The following PELI2 variants were observed in gnomAD, a reference collection of about 807,000 sequenced individuals.
PELI2 encodes the protein pellino E3 ubiquitin protein ligase family member 2.
Under a neutral mutation model 42.3 loss-of-function variants are expected in PELI2, and 23 were observed. The ratio of observed to expected loss-of-function variants is 0.54; its 90% CI spans 0.39 to 0.77. The LOEUF (loss-of-function observed/expected upper bound fraction) is 0.77. Among genes scored for constraint, PELI2 ranks in the 30% least tolerant of loss-of-function variants. The probability of loss-of-function intolerance (pLI) is 0.00; values close to 1 mark genes in which losing one functional copy is unlikely to be tolerated. For synonymous variants in PELI2, 245 were observed against 212.2 expected (o/e 1.15, Z -1.34); for missense variants, 463 against 553.2 (o/e 0.84, Z 1.64).
intron 1 of PELI2, among the ~76,000 whole-genome samples, chr14:56,156,093 GAAAT>G (rs1884556608): frequency 1.3e-5 from 2 of 152,054 alleles, no homozygotes; most frequent in African/African-American, 4.8e-5. Flanking sequence ...TTAATTACGT[GAAAT>G]AAATATTGTT....
chr14:56,267,898 C>T (rs963665779), intron 2 of PELI2, among the ~76,000 whole-genome samples: 2 of 152,040 alleles, frequency 1.3e-5, no homozygotes, highest in Non-Finnish European at 2.9e-5. Flanking sequence ...TCTTTATATT[C>T]CTCAGTTACT....
chr14:56,265,982 A>G (rs1424022471), intron 2 of PELI2, among the ~76,000 whole-genome samples: 4 of 152,108 alleles, frequency 2.6e-5, no homozygotes. Flanking sequence ...AAGTTCATCA[A>G]CAGATAAGTG....
intron 1 of PELI2, among the ~76,000 whole-genome samples, chr14:56,172,083 G>A (rs965584294): frequency 6.6e-6 from 1 of 152,186 alleles, no homozygotes; most frequent in Non-Finnish European, 1.5e-5. Context: ...GGGGCTTCCT[G>A]TTCCAGGAAT....
At chr14:56,286,096 T>C (rs1255281672) in intron 3 of PELI2, among the ~76,000 whole-genome samples, 1 of 152,206 alleles carries the variant, frequency 6.6e-6, no homozygotes, top group Non-Finnish European at 1.5e-5. Context: ...CAACAGCAAC[T>C]ATACTGGTCC....
intron 1 of PELI2, among the ~76,000 whole-genome samples, chr14:56,139,536 T>G (rs1186966370): frequency 6.6e-6 from 1 of 152,202 alleles, no homozygotes; most frequent in Non-Finnish European, 1.5e-5. Flanking sequence ...ATTCTTCTTC[T>G]TTGGGTACGT....
intron 1 of PELI2, among the ~76,000 whole-genome samples, chr14:56,132,719 T>G (rs1883536433): frequency 6.6e-6 from 1 of 152,162 alleles, no homozygotes. Context: ...AAGTGACTGT[T>G]TCTCTGATCT....
At chr14:56,128,051 G>T (rs1427425289) in intron 1 of PELI2, among the ~76,000 whole-genome samples, 2 of 152,034 alleles carry the variant, frequency 1.3e-5, no homozygotes, top group Admixed American at 6.5e-5. Context: ...CCTGCACATG[G>T]ACCCCTGAAC....
At chr14:56,228,343 G>A (rs543469078) in intron 2 of PELI2, among the ~76,000 whole-genome samples, 2 of 152,260 alleles carry the variant, frequency 1.3e-5, no homozygotes, top group African/African-American at 4.8e-5. Context: ...TAGATCCATA[G>A]CTGTTGGAAG....
In PELI2 at chr14:56,266,733, T is replaced by G. The variant is rs544611018; in HGVS notation, c.208-12943T>G. Among the ~76,000 whole-genome samples the G allele has an allele frequency of 6.9e-3, 1,052 of 152,190 alleles. 7 individuals are homozygous for G. The highest frequency in any genetic ancestry group is 0.02 in the African/African-American group (844 of 41,580). Reference sequence around the variant, plus strand: ...CATGTACCATTTGATTGAACAATTTTGTTTCTAGGAATTTGTCCTATAGAT... The same window carrying G: ...CATGTACCATTTGATTGAACAATTTGGTTTCTAGGAATTTGTCCTATAGAT... On this transcript the variant is annotated intron_variant, in intron 2 of 5. Transcript: ENST00000267460.
intron 2 of PELI2, among the ~76,000 whole-genome samples, chr14:56,212,648 T>G (rs1365570626): frequency 6.6e-6 from 1 of 152,252 alleles, no homozygotes; most frequent in Non-Finnish European, 1.5e-5. Flanking sequence ...TTGATCACAG[T>G]CCTGCCTGTG....
chr14:56,206,666 G>T (rs571122702), intron 2 of PELI2, among the ~76,000 whole-genome samples: 6 of 152,058 alleles, frequency 3.9e-5, no homozygotes, highest in Non-Finnish European at 8.8e-5. Flanking sequence ...TCACCAGCCC[G>T]TGCAGTATTC....
At chr14:56,250,838 T>G (rs1196509961) in intron 2 of PELI2, among the ~76,000 whole-genome samples, 1 of 152,174 alleles carries the variant, frequency 6.6e-6, no homozygotes, top group Non-Finnish European at 1.5e-5. Flanking sequence ...TCAGTCAAGT[T>G]CACACTCAGT....
At chr14:56,136,425 T>C (rs1371115094) in intron 1 of PELI2, among the ~76,000 whole-genome samples, 1 of 152,214 alleles carries the variant, frequency 6.6e-6, no homozygotes, top group African/African-American at 2.4e-5. Context: ...CATTTCCTTG[T>C]AATGCATTGG....
Position 56,192,630 on chromosome 14 carries a change from G to C in PELI2, c.207+14166G>C, listed in dbSNP as rs115796421. 7.5e-3 allele frequency among the ~76,000 whole-genome samples: 1,147 copies of C among 152,296 alleles called. 12 individuals are homozygous for C. The highest frequency in any genetic ancestry group is 0.026 in the African/African-American group (1,094 of 41,570). Reference sequence around the variant, plus strand: ...GAATCTGGTTAATAGTACAGGCTCTGAAGTCAAATTCCTTGGATTGAAATT... The same window carrying C: ...GAATCTGGTTAATAGTACAGGCTCTCAAGTCAAATTCCTTGGATTGAAATT... On this transcript the variant is annotated intron_variant, in intron 2 of 5. Coordinates refer to ENST00000267460, the MANE Select transcript of PELI2 (RefSeq NM_021255.3).
chr14:56,164,742 T>C (rs1356484416), intron 1 of PELI2, among the ~76,000 whole-genome samples: 1 of 152,152 alleles, frequency 6.6e-6, no homozygotes, highest in Non-Finnish European at 1.5e-5. Context: ...AGGTTTTGGA[T>C]TTCTTCCTGG....
Position 56,297,029 on chromosome 14 carries a change from A to ATC in PELI2, c.1126_1127insTC (p.Lys376IlefsTer39). On this transcript the variant is annotated frameshift_variant, in exon 6 of 6. Coordinates refer to ENST00000267460, the MANE Select transcript of PELI2 (RefSeq NM_021255.3). LOFTEE classifies it high-confidence loss of function. ...TCCCTGTGGACACGTGTGCTCGGAGAAGTCTGCAAAATACTGGTCTCAGAT... is the reference window on the plus strand; with the variant it reads ...TCCCTGTGGACACGTGTGCTCGGAGATCAGTCTGCAAAATACTGGTCTCAGAT... 2 of 1,613,998 alleles carry ATC rather than the reference A, an allele frequency of 1.2e-6. No homozygotes were observed. Among genetic ancestry groups the ATC allele is most frequent in the Non-Finnish European group, 1.7e-6 (2 of 1,180,010 alleles).
chr14:56,274,400 C>G (rs1037608405), intron 2 of PELI2, among the ~76,000 whole-genome samples: 1 of 152,174 alleles, frequency 6.6e-6, no homozygotes, highest in African/African-American at 2.4e-5. Context: ...AGAGCTAACA[C>G]TGCTTCTTAA....
At chr14:56,278,959 A>G (rs1175037159) in intron 2 of PELI2, among the ~76,000 whole-genome samples, 1 of 152,200 alleles carries the variant, frequency 6.6e-6, no homozygotes, top group Non-Finnish European at 1.5e-5. Flanking sequence ...TGTGACCACA[A>G]CTTTTTGTTC....
chr14:56,265,688 C>T (rs1888878576), intron 2 of PELI2, among the ~76,000 whole-genome samples: 1 of 152,006 alleles, frequency 6.6e-6, no homozygotes, highest in African/African-American at 2.4e-5. Flanking sequence ...GTAGAAAATA[C>T]TTGCAAATCA....
Sources: gnomAD v4.1 joint callset for allele counts (sites outside exome capture counted in the v4.1 genomes callset) on GRCh38, gnomAD v4.1.1 for gene constraint, MANE v1.5 for transcripts, NCBI Gene and HGNC (gene_info 2026-07-23, HGNC 2026-07-21) for gene names.